ABCA12: variants seen among roughly 807,000 people sequenced by gnomAD.
ABCA12 encodes glucosylceramide transporter ABCA12.
A neutral mutation model predicts 293.5 loss-of-function variants in ABCA12; 156 were observed. The ratio of observed to expected loss-of-function variants is 0.53; its 90% CI spans 0.47 to 0.61. The LOEUF (loss-of-function observed/expected upper bound fraction) is 0.61. ABCA12 is among the 20% of genes least tolerant of loss of function. The pLI is 0.00. For missense variants in ABCA12, 2,797 were observed against 3,090.2 expected (o/e 0.91, Z 2.25); for synonymous variants, 1,063 against 1,108.0 (o/e 0.96, Z 0.81).
At chr2:215,018,241 CA>C (rs1182932275) in intron 13 of ABCA12, 109 bp from the exon 14 acceptor site, 2 of 1,398,520 alleles carry the variant, frequency 1.4e-6, no homozygotes, top group Admixed American at 4.1e-5. Flanking sequence ...CGTGCCTTCT[CA>C]GGGGCAGATG....
chr2:215,072,416 T>C (rs865888592), intron 2 of ABCA12, among the ~76,000 whole-genome samples: 1 of 152,202 alleles, frequency 6.6e-6, no homozygotes, highest in Non-Finnish European at 1.5e-5. Flanking sequence ...ATTGCTATTA[T>C]TATTTTTTAA....
chr2:214,965,433 A>G (rs1339972264), intron 39 of ABCA12, among the ~76,000 whole-genome samples: 2 of 152,234 alleles, frequency 1.3e-5, no homozygotes, highest in Non-Finnish European at 2.9e-5. Flanking sequence ...AACTTTCATC[A>G]GAGTGAACAG....
At position 214,932,673 on chromosome 2, in the gene ABCA12, A is replaced by G. The variant is rs1346178216; in HGVS notation, c.7749T>C (p.Thr2583=). The change falls in exon 53 of 53, where the codon ACT becomes ACC. Residue 2583 remains threonine, a synonymous_variant. Coordinates refer to ENST00000272895, the MANE Select transcript of ABCA12 (RefSeq NM_173076.3). ...ETADTSSQGS[T]ISVDSQDDQM... ...GGTCATCTTGTGAGTCAACACTTATAGTGGAACCTTGGCTGCTGGTATCAG... is the reference window on the plus strand; with the variant it reads ...GGTCATCTTGTGAGTCAACACTTATGGTGGAACCTTGGCTGCTGGTATCAG... The G allele has an allele frequency of 5.6e-6, 9 of 1,613,652 alleles. 1 individual carries two copies. Among genetic ancestry groups the G allele is most frequent in the Middle Eastern group, 3.3e-4 (2 of 6,056 alleles).
intron 43 of ABCA12, among the ~76,000 whole-genome samples, chr2:214,954,930 G>A (rs555528893): frequency 1.1e-4 from 16 of 152,298 alleles, no homozygotes; most frequent in East Asian, 1.9e-4. Flanking sequence ...CAATGGTTGC[G>A]TGATTTATGT....
chr2:215,107,228 T>A (rs183876702), intron 2 of ABCA12, among the ~76,000 whole-genome samples: 4 of 152,288 alleles, frequency 2.6e-5, no homozygotes, highest in Admixed American at 1.3e-4. Flanking sequence ...CATGGGTATG[T>A]GTGTATTAAA....
Position 214,986,703 on chromosome 2 carries a change from G to T in ABCA12, c.4002C>A (p.Asn1334Lys). The T allele has an allele frequency of 6.2e-7, 1 of 1,614,104 alleles. No homozygotes were observed. Among genetic ancestry groups the T allele is most frequent in the Non-Finnish European group, 8.5e-7 (1 of 1,179,972 alleles). The change falls in exon 28 of 53, where the codon AAC becomes AAA. Residue 1334 changes from asparagine to lysine, a missense_variant. This residue lies in a region of ABCA12 where 2,130 missense variants were observed against 2,427.0 expected (regional missense o/e 0.88). Coordinates refer to ENST00000272895, the MANE Select transcript of ABCA12 (RefSeq NM_173076.3). ...TGAGATCTTTAGGTTCAGGCTCGATGTTAGAGGAAAACATGTATTCAGGAC... is the reference window on the plus strand; with the variant it reads ...TGAGATCTTTAGGTTCAGGCTCGATTTTAGAGGAAAACATGTATTCAGGAC... ...SASPEYMFSS[N>K]IEPEPKDLTV...
intron 32 of ABCA12, 135 bp downstream of exon 32, chr2:214,978,669 G>C (rs576456599): frequency 9.0e-7 from 1 of 1,107,940 alleles, no homozygotes; most frequent in East Asian, 2.5e-5. Flanking sequence ...CATAAGAATA[G>C]TACTGAAAAA....
At chr2:215,052,959 A>G (rs1175469174) in intron 4 of ABCA12, among the ~76,000 whole-genome samples, 1 of 152,088 alleles carries the variant, frequency 6.6e-6, no homozygotes, top group Non-Finnish European at 1.5e-5. Context: ...CATATCCAAC[A>G]TCTGTTCAAA....
At chr2:214,988,950 G>C (rs1460754309) in intron 26 of ABCA12, among the ~76,000 whole-genome samples, 2 of 151,032 alleles carry the variant, frequency 1.3e-5, no homozygotes, top group East Asian at 3.9e-4. Context: ...AGGCCAAGGC[G>C]GGCAGATGAC....
At chr2:215,093,510 C>A (rs1031413131) in intron 2 of ABCA12, among the ~76,000 whole-genome samples, 1 of 152,176 alleles carries the variant, frequency 6.6e-6, no homozygotes, top group Non-Finnish European at 1.5e-5. Flanking sequence ...CAGGGCTGTG[C>A]GGTTAGAATT....
chr2:214,934,981 T>C (rs1698173305), intron 51 of ABCA12, among the ~76,000 whole-genome samples: 1 of 152,182 alleles, frequency 6.6e-6, no homozygotes. Flanking sequence ...CTTAACTTTC[T>C]TGCAGAAAGC....
At position 215,102,972 on chromosome 2, in the gene ABCA12, A is replaced by G. The variant is rs147094314; in HGVS notation, c.163+8625T>C. On this transcript the variant is annotated intron_variant, in intron 2 of 52. Transcript: ENST00000272895. ...TTGTAAAATTCTCTCTTGAACAATTATTGATCTTGATCACTGAGTTTTTTC... is the reference window on the plus strand; with the variant it reads ...TTGTAAAATTCTCTCTTGAACAATTGTTGATCTTGATCACTGAGTTTTTTC... 5.3e-5 allele frequency among the ~76,000 whole-genome samples: 8 copies of G among 152,324 alleles called. No homozygotes were observed. In the East Asian group the frequency reaches 1.3e-3, roughly 26 times the overall value.
chr2:214,991,096 T>C lies in ABCA12; in HGVS notation c.3295-65A>G, dbSNP rs1036281257. On this transcript the variant is annotated intron_variant, in intron 23 of 52. Transcript: ENST00000272895. ...ATTCTTCCAAATAAAAATTATTCCCTGTATTATGTCAAAATGTCATGATAG... is the reference window on the plus strand; with the variant it reads ...ATTCTTCCAAATAAAAATTATTCCCCGTATTATGTCAAAATGTCATGATAG... 17 of 1,415,418 alleles carry C rather than the reference T, an allele frequency of 1.2e-5. No homozygotes were observed. The African/African-American group carries it at 1.7e-4, about 14-fold the overall frequency. The allele number at this position is 1,415,418 out of a possible 1,614,324, so 87.7% of individuals were successfully genotyped here. A position where few individuals can be genotyped will look rare whatever the true frequency, so the allele number is the denominator to read the frequency against.
chr2:215,037,496 A>G (rs1213615106), intron 7 of ABCA12, among the ~76,000 whole-genome samples: 2 of 152,222 alleles, frequency 1.3e-5, no homozygotes, highest in Non-Finnish European at 2.9e-5. Context: ...TTATTATTTA[A>G]GCATTTATAA....
At chr2:215,023,387 T>C (rs1700673289) in intron 11 of ABCA12, 2 of 152,192 alleles carry the variant, frequency 1.3e-5, no homozygotes, top group Admixed American at 1.3e-4. Flanking sequence ...TGATGATAGA[T>C]TTTCTACTCA....
At chr2:214,984,645 C>A (rs904447731) in intron 28 of ABCA12, among the ~76,000 whole-genome samples, 1 of 152,046 alleles carries the variant, frequency 6.6e-6, no homozygotes, top group East Asian at 1.9e-4. Flanking sequence ...AAAAGCCACA[C>A]CCTCATTGAT....
At chr2:215,105,161 G>A (rs956527271) in intron 2 of ABCA12, among the ~76,000 whole-genome samples, 1 of 152,134 alleles carries the variant, frequency 6.6e-6, no homozygotes, top group African/African-American at 2.4e-5. Context: ...TGCTATTAAT[G>A]TGCTATCTAT....
chr2:214,978,279 A>G, intron 33 of ABCA12, 37 bp downstream of exon 33: 1 of 1,612,200 alleles, frequency 6.2e-7, no homozygotes, highest in Non-Finnish European at 8.5e-7. Context: ...TATGTCATCC[A>G]TTGGAATTAA....
At chr2:215,099,144 T>C (rs1047859843) in intron 2 of ABCA12, among the ~76,000 whole-genome samples, 3 of 152,354 alleles carry the variant, frequency 2.0e-5, no homozygotes, top group Admixed American at 2.0e-4. Context: ...TTTCTGCCTA[T>C]CTTGGATTGC....
Sources: allele counts gnomAD v4.1 joint callset (sites outside exome capture counted in the v4.1 genomes callset), GRCh38; gene constraint gnomAD v4.1.1; regional missense constraint gnomAD v4.1.1; transcripts MANE v1.5; gene names NCBI Gene and HGNC (gene_info 2026-07-23, HGNC 2026-07-21).